The following MINDY3 variants were observed in gnomAD, a reference collection of about 807,000 sequenced individuals.
The protein encoded by MINDY3 is MINDY lysine 48 deubiquitinase 3.
In MINDY3, 38 loss-of-function variants were observed where a neutral mutation model predicts 69.2. The ratio of observed to expected loss-of-function variants is 0.55; its 90% CI spans 0.42 to 0.72. MINDY3 has a LOEUF of 0.72. Ranked by LOEUF, MINDY3 falls within the 30% of genes least tolerant of loss-of-function variation. The probability of loss-of-function intolerance (pLI) is 0.00; values close to 1 mark genes in which losing one functional copy is unlikely to be tolerated. For synonymous variants in MINDY3, 192 were observed against 180.1 expected, an observed-to-expected ratio of 1.07 and a Z score of -0.53; for missense variants, 522 against 519.0, an observed-to-expected ratio of 1.01 and a Z score of -0.06.
chr10:15,822,822 C>G (rs899063393), intron 8 of MINDY3, among the ~76,000 whole-genome samples: 2 of 151,956 alleles, frequency 1.3e-5, no homozygotes, highest in African/African-American at 4.8e-5. Flanking sequence ...ACAGACACAA[C>G]GCAGGGAATA....
chr10:15,821,045 A>T lies in MINDY3; in HGVS notation c.801+611T>A, dbSNP rs554553837. The stretch of plus-strand genomic sequence containing the variant: ...GCAAGTCAATAATGGTTTAAATTCC[A>T]TTTAAAACTATTTACAATACCCATT... On this transcript the variant is annotated intron_variant, in intron 9 of 14. Transcript: ENST00000277632. 2.0e-5 allele frequency among the ~76,000 whole-genome samples: 3 copies of T among 152,332 alleles called. No individual in the cohort carries two copies. The South Asian group carries it at 6.2e-4, about 32-fold the overall frequency.
At chr10:15,801,181 G>A (rs533172027) in intron 10 of MINDY3, among the ~76,000 whole-genome samples, 3 of 151,994 alleles carry the variant, frequency 2.0e-5, no homozygotes, top group African/African-American at 7.3e-5. Flanking sequence ...ATTCCGGCAT[G>A]GGGGGGAAAT....
At chr10:15,786,671 CAG>C in intron 12 of MINDY3, 23 bp from the exon 13 acceptor site, 2 of 1,323,434 alleles carry the variant, frequency 1.5e-6, no homozygotes, top group South Asian at 1.3e-5. Context: ...AGAAGAAAAA[CAG>C]TGGATACCAG....
intron 3 of MINDY3, 106 bp downstream of exon 3, chr10:15,843,106 C>T (rs1833595087): frequency 5.5e-6 from 5 of 909,890 alleles, no homozygotes; most frequent in African/African-American, 5.0e-5. Flanking sequence ...AAAAGGAAAC[C>T]TCAGGAAAAA....
chr10:15,794,847 T>C (rs539122436), intron 11 of MINDY3, among the ~76,000 whole-genome samples: 1 of 152,182 alleles, frequency 6.6e-6, no homozygotes, highest in African/African-American at 2.4e-5. Context: ...ATTGATGAAA[T>C]TTTTTCAGCC....
chr10:15,851,961 T>C (rs113567545), intron 1 of MINDY3, among the ~76,000 whole-genome samples: 3 of 152,268 alleles, frequency 2.0e-5, no homozygotes, highest in African/African-American at 4.8e-5. Context: ...ACTTTACCTG[T>C]AGCCTCAATG....
intron 13 of MINDY3, among the ~76,000 whole-genome samples, chr10:15,783,409 T>C (rs1836704828): frequency 6.6e-6 from 1 of 152,216 alleles, no homozygotes; most frequent in Non-Finnish European, 1.5e-5. Context: ...CAAGCATGAC[T>C]CATTTCATCA....
intron 13 of MINDY3, among the ~76,000 whole-genome samples, chr10:15,786,342 T>C (rs1836956954): frequency 6.6e-6 from 1 of 152,134 alleles, no homozygotes; most frequent in Non-Finnish European, 1.5e-5. Flanking sequence ...GTGTATAGAC[T>C]GGTGTCTGCG....
At chr10:15,840,525 T>C (rs1280831722) in intron 4 of MINDY3, among the ~76,000 whole-genome samples, 1 of 151,662 alleles carries the variant, frequency 6.6e-6, no homozygotes, top group Non-Finnish European at 1.5e-5. Context: ...TAGATAATAC[T>C]ATATGGAAAG....
chr10:15,848,667 G>A (rs7072213), intron 1 of MINDY3, among the ~76,000 whole-genome samples: 11,469 of 80,392 alleles, frequency 0.14, 969 homozygotes, highest in African/African-American at 0.35. Flanking sequence ...AAAAAAGAAA[G>A]AAAAATTAAA....
chr10:15,779,079 A>T lies in MINDY3; in HGVS notation c.1251T>A (p.Asp417Glu). The change falls in exon 15 of 15, where the codon GAT (aspartate) becomes GAA (glutamate). Residue 417 changes from aspartate to glutamate, a missense_variant. Physicochemically the swap from Asp to Glu is conservative, Grantham distance 45. Coordinates refer to ENST00000277632, the MANE Select transcript of MINDY3 (RefSeq NM_024948.4). ...GCAGACAGCGTTTAATAGGAGTGTC[A>T]TCTGTCTGTAGCATGGGATCTTCAA... ...MGFEDPMLQT[D>E]DTPIKRCLQT... The T allele has an allele frequency of 1.2e-6, 2 of 1,613,602 alleles. No homozygotes were observed. Among genetic ancestry groups the T allele is most frequent in the African/African-American group, 1.3e-5 (1 of 75,004 alleles).
At chr10:15,785,721 TTTATC>T (rs372181163) in intron 13 of MINDY3, among the ~76,000 whole-genome samples, 136 of 152,292 alleles carry the variant, frequency 8.9e-4, no homozygotes, top group African/African-American at 3.1e-3. Flanking sequence ...TCTTAACAAT[TTTATC>T]TTGAGTTTAA....
chr10:15,840,897 T>G (rs1833421395), intron 4 of MINDY3, among the ~76,000 whole-genome samples: 1 of 151,582 alleles, frequency 6.6e-6, no homozygotes, highest in Non-Finnish European at 1.5e-5. Context: ...TTAACTTATC[T>G]TCAAGGTATG....
intron 7 of MINDY3, 78 bp downstream of exon 7, chr10:15,834,465 C>T: frequency 2.0e-6 from 2 of 986,360 alleles, no homozygotes; most frequent in South Asian, 2.9e-5. Flanking sequence ...AATTACTTGA[C>T]TCAGTCATGT....
At chr10:15,837,344 T>C (rs1348093287) in intron 5 of MINDY3, 26 bp from the exon 6 acceptor site, 1 of 1,509,194 alleles carries the variant, frequency 6.6e-7, no homozygotes, top group East Asian at 2.3e-5. Context: ...AATTAAGTAT[T>C]GGTATCATGA....
intron 10 of MINDY3, among the ~76,000 whole-genome samples, chr10:15,800,413 T>G (rs977206582): frequency 6.6e-6 from 1 of 152,132 alleles, no homozygotes; most frequent in African/African-American, 2.4e-5. Context: ...AATAATTTCA[T>G]CACCATCTCC....
At chr10:15,816,324 G>C (rs1839370045) in intron 10 of MINDY3, among the ~76,000 whole-genome samples, 1 of 148,594 alleles carries the variant, frequency 6.7e-6, no homozygotes, top group Non-Finnish European at 1.5e-5. Flanking sequence ...GAAATATTCA[G>C]ATATATTTCA....
Position 15,811,830 on chromosome 10 carries a change from A to G in MINDY3, c.882+5005T>C, listed in dbSNP as rs540521306. On this transcript the variant is annotated intron_variant, in intron 10 of 14. Transcript: ENST00000277632. ...ATTACATGTGTACAGAACATATAAAACTAGTATTTATAACCTAAAACTTCA... is the reference window on the plus strand; with the variant it reads ...ATTACATGTGTACAGAACATATAAAGCTAGTATTTATAACCTAAAACTTCA... Among the ~76,000 whole-genome samples, 191 of 152,308 alleles carry G rather than the reference A, an allele frequency of 1.3e-3. 1 individual carries two copies. The highest frequency in any genetic ancestry group is 4.4e-3 in the African/African-American group (181 of 41,574).
At chr10:15,785,095 CTCTTGGAGA>C (rs370351507) in intron 13 of MINDY3, among the ~76,000 whole-genome samples, 76 of 152,242 alleles carry the variant, frequency 5.0e-4, no homozygotes, top group Middle Eastern at 3.4e-3. Flanking sequence ...TTCTAACAAG[CTCTTGGAGA>C]TCATACTGAG....
Sources: gnomAD v4.1 joint callset for allele counts (sites outside exome capture counted in the v4.1 genomes callset) on GRCh38, gnomAD v4.1.1 for gene constraint, MANE v1.5 for transcripts, NCBI Gene and HGNC (gene_info 2026-07-23, HGNC 2026-07-21) for gene names.